The following ZFAND3 variants were observed in gnomAD, a reference collection of about 807,000 sequenced individuals.
ZFAND3 encodes zinc finger AN1-type containing 3.
In ZFAND3, 10 loss-of-function variants were observed where a neutral mutation model predicts 29.6. That is an observed-to-expected ratio of 0.34 (90% CI 0.21 to 0.57). The LOEUF (loss-of-function observed/expected upper bound fraction) is 0.57. Ranked by LOEUF, ZFAND3 falls within the 20% of genes least tolerant of loss-of-function variation. The pLI is 0.86. For missense variants in ZFAND3, 230 were observed against 304.5 expected, an observed-to-expected ratio of 0.76 and a Z score of 1.82; for synonymous variants, 128 against 112.6, an observed-to-expected ratio of 1.14 and a Z score of -0.87.
intron 3 of ZFAND3, among the ~76,000 whole-genome samples, chr6:38,070,626 A>G (rs887609240): frequency 9.9e-5 from 15 of 152,084 alleles, no homozygotes; most frequent in Admixed American, 1.3e-4. Context: ...CACTATTATG[A>G]GCCATGTCAA....
At chr6:37,831,918 G>T (rs1223104580) in intron 1 of ZFAND3, among the ~76,000 whole-genome samples, 3 of 152,172 alleles carry the variant, frequency 2.0e-5, no homozygotes, top group Non-Finnish European at 4.4e-5. Flanking sequence ...AGCATTTAAA[G>T]ATTTTAAGCA....
chr6:37,881,182 C>T (rs957691399), intron 1 of ZFAND3, among the ~76,000 whole-genome samples: 10 of 152,198 alleles, frequency 6.6e-5, no homozygotes, highest in African/African-American at 2.4e-4. Context: ...AGAGATTCTC[C>T]TGCCTCAGTC....
chr6:38,029,111 C>T (rs1273454546), intron 2 of ZFAND3, among the ~76,000 whole-genome samples: 1 of 152,154 alleles, frequency 6.6e-6, no homozygotes, highest in African/African-American at 2.4e-5. Flanking sequence ...TATCTGAACT[C>T]TCTTACCTTG....
chr6:38,007,513 C>G (rs1763071661), intron 2 of ZFAND3, among the ~76,000 whole-genome samples: 1 of 151,946 alleles, frequency 6.6e-6, no homozygotes, highest in Non-Finnish European at 1.5e-5. Flanking sequence ...CCACTGCACT[C>G]CAGTCTGGGT....
chr6:38,066,786 A>G (rs1427007974), intron 3 of ZFAND3, among the ~76,000 whole-genome samples: 1 of 152,222 alleles, frequency 6.6e-6, no homozygotes. Context: ...CTATTGACAA[A>G]AGTATGTAAA....
intron 2 of ZFAND3, among the ~76,000 whole-genome samples, chr6:38,015,861 G>A (rs1763243772): frequency 6.6e-6 from 1 of 152,226 alleles, no homozygotes; most frequent in African/African-American, 2.4e-5. Context: ...AACTTGACCT[G>A]TGGTGTTTTC....
At chr6:38,069,487 T>C (rs1038233838) in intron 3 of ZFAND3, among the ~76,000 whole-genome samples, 1 of 152,226 alleles carries the variant, frequency 6.6e-6, no homozygotes, top group African/African-American at 2.4e-5. Flanking sequence ...ATGCCCAAAC[T>C]TTAAATGTCT....
At position 38,120,320 on chromosome 6, in the gene ZFAND3, C is replaced by CTTTTTTTTTTTTTTTTTTTTTTTTT. The variant is rs70981523; in HGVS notation, c.529+3587_529+3611dup. 3.3e-4 allele frequency among the ~76,000 whole-genome samples: 20 copies of CTTTTTTTTTTTTTTTTTTTTTTTTT among 60,732 alleles called. 3 individuals carry two copies. Among genetic ancestry groups the CTTTTTTTTTTTTTTTTTTTTTTTTT allele is most frequent in the Non-Finnish European group, 5.0e-4 (16 of 31,824 alleles). The allele number at this position is 60,732 out of a possible 152,430, so 39.8% of individuals were successfully genotyped here. On this transcript the variant is annotated intron_variant, in intron 5 of 5. Coordinates refer to ENST00000287218, the MANE Select transcript of ZFAND3 (RefSeq NM_021943.3). ...TGATTGATACACGTAGCTTGGCTTCCTTTTTTTTTTTTTTTTTTTTTTTTT... is the reference window on the plus strand; with the variant it reads ...TGATTGATACACGTAGCTTGGCTTCCTTTTTTTTTTTTTTTTTTTTTTTTTTTTTTTTTTTTTTTTTTTTTTTTTT...
chr6:37,880,412 A>G lies in ZFAND3; in HGVS notation c.72-49547A>G, dbSNP rs1279492373. Among the ~76,000 whole-genome samples, 3 of 152,212 alleles carry G rather than the reference A, an allele frequency of 2.0e-5. No homozygotes were observed. The East Asian group carries it at 5.8e-4, about 29-fold the overall frequency. ...TTTTACCTGACAGTGAGGTCAGTCA[A>G]ACAATGGAATAACTTGCTAAGGGAG... is the stretch of plus-strand genomic sequence containing the variant. On this transcript the variant is annotated intron_variant, in intron 1 of 5. Coordinates refer to ENST00000287218, the MANE Select transcript of ZFAND3 (RefSeq NM_021943.3).
At chr6:38,024,841 G>T (rs980358171) in intron 2 of ZFAND3, among the ~76,000 whole-genome samples, 1 of 152,192 alleles carries the variant, frequency 6.6e-6, no homozygotes, top group African/African-American at 2.4e-5. Flanking sequence ...TGAGTATGGG[G>T]ATTCCTTTTG....
At chr6:38,122,202 G>A (rs1469669130) in intron 5 of ZFAND3, among the ~76,000 whole-genome samples, 2 of 152,126 alleles carry the variant, frequency 1.3e-5, no homozygotes, top group African/African-American at 4.8e-5. Flanking sequence ...ATTCAAGGAT[G>A]CCTAAGTCCC....
intron 5 of ZFAND3, among the ~76,000 whole-genome samples, chr6:38,138,975 C>G (rs1010300039): frequency 3.9e-5 from 6 of 152,088 alleles, no homozygotes; most frequent in Non-Finnish European, 7.4e-5. Context: ...CTATTTGGAT[C>G]TGGATGAAAT....
intron 2 of ZFAND3, among the ~76,000 whole-genome samples, chr6:38,044,071 C>A (rs1763849894): frequency 6.6e-6 from 1 of 152,174 alleles, no homozygotes; most frequent in Non-Finnish European, 1.5e-5. Context: ...TCAAAAATAA[C>A]AGCTTCTCTT....
At chr6:37,989,590 G>T (rs915084856) in intron 2 of ZFAND3, among the ~76,000 whole-genome samples, 1 of 152,080 alleles carries the variant, frequency 6.6e-6, no homozygotes, top group African/African-American at 2.4e-5. Flanking sequence ...TTTAACATAC[G>T]AATTTTGGGG....
intron 2 of ZFAND3, among the ~76,000 whole-genome samples, chr6:38,042,747 C>T (rs1002517093): frequency 6.6e-6 from 1 of 152,182 alleles, no homozygotes; most frequent in African/African-American, 2.4e-5. Context: ...TAGTTCACAA[C>T]TATCTGAATG....
At chr6:37,911,695 A>G (rs1933999777) in intron 1 of ZFAND3, among the ~76,000 whole-genome samples, 1 of 152,202 alleles carries the variant, frequency 6.6e-6, no homozygotes, top group Non-Finnish European at 1.5e-5. Flanking sequence ...TGATTATATT[A>G]TCTACAGTAA....
chr6:37,980,514 C>T (rs941215783), intron 2 of ZFAND3, among the ~76,000 whole-genome samples: 2 of 152,122 alleles, frequency 1.3e-5, no homozygotes, highest in Non-Finnish European at 2.9e-5. Flanking sequence ...TATTAGCTTC[C>T]TGCTTGAAAC....
chr6:38,039,543 A>G (rs1763721008), intron 2 of ZFAND3, among the ~76,000 whole-genome samples: 1 of 152,246 alleles, frequency 6.6e-6, no homozygotes, highest in South Asian at 2.1e-4. Flanking sequence ...GATAAAATGC[A>G]TAAATTAGAT....
intron 3 of ZFAND3, among the ~76,000 whole-genome samples, chr6:38,064,578 C>G (rs1456066001): frequency 6.6e-6 from 1 of 151,468 alleles, no homozygotes; most frequent in African/African-American, 2.4e-5. Context: ...AAGAGGAATG[C>G]TTTCTCTCCC....
Sources: gnomAD v4.1 joint callset for allele counts (sites outside exome capture counted in the v4.1 genomes callset) on GRCh38, gnomAD v4.1.1 for gene constraint, MANE v1.5 for transcripts, NCBI Gene and HGNC (gene_info 2026-07-23, HGNC 2026-07-21) for gene names.